The following CTTNBP2NL variants were observed in gnomAD, a reference collection of about 807,000 sequenced individuals.
CTTNBP2NL encodes CTTNBP2 N-terminal-like protein.
CTTNBP2NL carries 16 observed loss-of-function variants against 32.5 expected under a neutral mutation model. That is an observed-to-expected ratio of 0.49 (90% confidence interval 0.33 to 0.75). CTTNBP2NL has a LOEUF of 0.75. CTTNBP2NL is among the 30% of genes least tolerant of loss of function. CTTNBP2NL has a pLI of 0.02. For missense variants in CTTNBP2NL, 645 were observed against 756.0 expected (o/e 0.85, Z 1.72); for synonymous variants, 298 against 289.4 (o/e 1.03, Z -0.30).
At chr1:112,451,256 C>A (rs1185253954) in intron 4 of CTTNBP2NL, among the ~76,000 whole-genome samples, 1 of 151,266 alleles carries the variant, frequency 6.6e-6, no homozygotes, top group Non-Finnish European at 1.5e-5. Flanking sequence ...TTATCTTACA[C>A]CCCGCCTCCC....
At chr1:112,421,875 C>G (rs1339492252) in intron 3 of CTTNBP2NL, among the ~76,000 whole-genome samples, 1 of 152,114 alleles carries the variant, frequency 6.6e-6, no homozygotes, top group Non-Finnish European at 1.5e-5. Flanking sequence ...ACAGGAAATA[C>G]AGGGATAATG....
At chr1:112,418,498 G>T (rs1353475406) in intron 3 of CTTNBP2NL, among the ~76,000 whole-genome samples, 1 of 151,970 alleles carries the variant, frequency 6.6e-6, no homozygotes, top group East Asian at 1.9e-4. Context: ...TTATGGAGGG[G>T]ACCTATACTA....
In CTTNBP2NL at chr1:112,456,782, G is replaced by A. The variant is rs148707995; in HGVS notation, c.1290G>A (p.Ser430=). 5.5e-5 allele frequency: 89 copies of A among 1,613,942 alleles called. No homozygotes were observed. In the African/African-American group the frequency reaches 7.3e-4, roughly 13 times the overall value. The change falls in exon 6 of 6, where the codon TCG becomes TCA. Residue 430 remains serine, a synonymous_variant. Coordinates refer to ENST00000271277, the MANE Select transcript of CTTNBP2NL (RefSeq NM_018704.3). ...CTCTAACATCCTCTCCTTGCTCTTC[G>A]CCGGTACTCACTAAGCGTTTATTGG... ...SSSLTSSPCS[S]PVLTKRLLGS...
rs1570751206 is a variant in CTTNBP2NL, at chr1:112,459,498, C to G, written c.*2086C>G. 1 of 108,084 alleles carries G rather than the reference C, an allele frequency of 9.3e-6. No individual in the cohort carries two copies. Among genetic ancestry groups the G allele is most frequent in the African/African-American group, 2.5e-5 (1 of 40,174 alleles). 6.7% of individuals were successfully genotyped at this position (108,084 alleles called of 1,614,324 possible). A position where few individuals can be genotyped will look rare whatever the true frequency, so the allele number is the denominator to read the frequency against. On this transcript the variant is annotated 3_prime_UTR_variant, in exon 6 of 6. Transcript: ENST00000271277. The stretch of plus-strand genomic sequence containing the variant: ...TAGTAAAAAGGCAGGTGATGGAAAT[C>G]AGTGTATAAATCACAATGGAGTATA...
At position 112,449,100 on chromosome 1, in the gene CTTNBP2NL, G is replaced by A. The variant is rs1253951476; in HGVS notation, c.258G>A (p.Val86=). 1.9e-5 allele frequency: 30 copies of A among 1,613,912 alleles called. No homozygotes were observed. Among genetic ancestry groups the A allele is most frequent in the Non-Finnish European group, 2.5e-5 (29 of 1,179,886 alleles). The change falls in exon 4 of 6, where the codon GTG becomes GTA. Residue 86 remains valine, a synonymous_variant. Transcript: ENST00000271277. ...CTNPLSILKV[V]MKQCKNMQER... is the part of the protein sequence containing the mutation. ...ATCCACTCTCTATTCTTAAGGTTGT[G>A]ATGAAGCAGTGCAAGAACATGCAGG...
chr1:112,439,635 A>G (rs1316596228), intron 3 of CTTNBP2NL, among the ~76,000 whole-genome samples: 1 of 152,176 alleles, frequency 6.6e-6, no homozygotes, highest in Non-Finnish European at 1.5e-5. Flanking sequence ...CACATCTCCA[A>G]TAAAGGTTTT....
Position 112,416,274 on chromosome 1 carries a change from AAG to A in CTTNBP2NL, c.99+12_99+13del. 7.3e-7 allele frequency: 1 copy of A among 1,363,656 alleles called. No homozygotes were observed. Among genetic ancestry groups the A allele is most frequent in the Non-Finnish European group, 1.0e-6 (1 of 978,936 alleles). 84.5% of individuals were successfully genotyped at this position (1,363,656 alleles called of 1,614,324 possible). On this transcript the variant is annotated intron_variant, in intron 3 of 5. Coordinates refer to ENST00000271277, the MANE Select transcript of CTTNBP2NL (RefSeq NM_018704.3). ...TATAGAAGCCTTAAAGGTATGTTAA[AAG>A]AAAAAAAAAAAGAGGTCATCATACA... is the stretch of plus-strand genomic sequence containing the variant.
At chr1:112,436,095 G>A (rs1461850569) in intron 3 of CTTNBP2NL, among the ~76,000 whole-genome samples, 1 of 85,620 alleles carries the variant, frequency 1.2e-5, no homozygotes, top group African/African-American at 4.8e-5. Context: ...CTGTTTTATT[G>A]TTGCTTGTTT....
intron 5 of CTTNBP2NL, 102 bp from the exon 6 acceptor site, chr1:112,455,829 C>G (rs1408951688): frequency 1.3e-6 from 1 of 785,072 alleles, no homozygotes; most frequent in Non-Finnish European, 2.0e-6. Context: ...GATCTAAGCA[C>G]TGTGATGTGC....
At chr1:112,425,852 G>T (rs1649377210) in intron 3 of CTTNBP2NL, among the ~76,000 whole-genome samples, 1 of 152,118 alleles carries the variant, frequency 6.6e-6, no homozygotes, top group Non-Finnish European at 1.5e-5. Context: ...GACAGAATGA[G>T]ACCCTGGCTC....
chr1:112,456,282 A>G lies in CTTNBP2NL; in HGVS notation c.790A>G (p.Lys264Glu), dbSNP rs966857151. 1 of 1,614,136 alleles carries G rather than the reference A, an allele frequency of 6.2e-7. No individual in the cohort carries two copies. Among genetic ancestry groups the G allele is most frequent in the Non-Finnish European group, 8.5e-7 (1 of 1,180,032 alleles). Reference protein sequence around the residue: ...NREENRTKTLKEEMESLKKIV... With the variant: ...NREENRTKTLEEEMESLKKIV... ...AGAAGAGAACCGGACCAAAACCCTG[A>G]AAGAAGAAATGGAAAGTTTAAAGAA... is the stretch of plus-strand genomic sequence containing the variant. Residue 264 changes from lysine (K) to glutamate (E), a missense_variant, in exon 6 of 6, where the codon AAA (lysine) becomes GAA (glutamate). Coordinates refer to ENST00000271277, the MANE Select transcript of CTTNBP2NL (RefSeq NM_018704.3).
intron 3 of CTTNBP2NL, among the ~76,000 whole-genome samples, chr1:112,440,625 G>A (rs1649866359): frequency 6.6e-6 from 1 of 152,164 alleles, no homozygotes; most frequent in Admixed American, 6.6e-5. Context: ...TACTGATCAA[G>A]ACCTACTAAA....
intron 3 of CTTNBP2NL, among the ~76,000 whole-genome samples, chr1:112,416,630 C>T (rs950378157): frequency 6.6e-6 from 1 of 151,916 alleles, no homozygotes; most frequent in African/African-American, 2.4e-5. Context: ...GTAGCTGGGA[C>T]TACAGGCGCA....
intron 4 of CTTNBP2NL, among the ~76,000 whole-genome samples, chr1:112,451,778 A>AC (rs1350095090): frequency 9.7e-5 from 12 of 123,962 alleles, no homozygotes; most frequent in Non-Finnish European, 2.0e-4. Context: ...AAAAAAAAAA[A>AC]AAAAAACACA....
chr1:112,451,794 A>G (rs1221653201), intron 4 of CTTNBP2NL, among the ~76,000 whole-genome samples: 1 of 151,220 alleles, frequency 6.6e-6, no homozygotes, highest in East Asian at 1.9e-4. Flanking sequence ...ACACAAAACA[A>G]ACAAACAAAA....
chr1:112,401,029 A>G (rs902281384), intron 1 of CTTNBP2NL, among the ~76,000 whole-genome samples: 2 of 151,988 alleles, frequency 1.3e-5, no homozygotes, highest in East Asian at 3.8e-4. Flanking sequence ...TGCACATATC[A>G]CAAAGCAAGG....
Position 112,412,608 on chromosome 1 carries a change from CTTTTTTTTT to C in CTTNBP2NL, c.-10+309_-10+317del, listed in dbSNP as rs35667800. Among the ~76,000 whole-genome samples, 4 of 88,920 alleles carry C rather than the reference CTTTTTTTTT, an allele frequency of 4.5e-5. No individual in the cohort carries two copies. The East Asian group carries it at 1.4e-3, about 31-fold the overall frequency. 58.3% of individuals were successfully genotyped at this position (88,920 alleles called of 152,430 possible). ...TGTAGACACTAAGCTGAGTTGGTAC[CTTTTTTTTT>C]TTTTTTTTTTTTTTTTTGACACAGA... On this transcript the variant is annotated intron_variant, in intron 2 of 5. Transcript: ENST00000271277.
chr1:112,401,699 A>C (rs757928997), intron 1 of CTTNBP2NL, among the ~76,000 whole-genome samples: 1 of 152,200 alleles, frequency 6.6e-6, no homozygotes. Context: ...GTGGGGGAAC[A>C]TGAAAGGCGG....
At chr1:112,442,612 T>A (rs1283877012) in intron 3 of CTTNBP2NL, among the ~76,000 whole-genome samples, 1 of 151,982 alleles carries the variant, frequency 6.6e-6, no homozygotes, top group African/African-American at 2.4e-5. Flanking sequence ...CTCAACACAT[T>A]TGATTTCAGT....
Sources: allele counts gnomAD v4.1 joint callset (sites outside exome capture counted in the v4.1 genomes callset), GRCh38; gene constraint gnomAD v4.1.1; transcripts MANE v1.5; gene names NCBI Gene and HGNC (gene_info 2026-07-23, HGNC 2026-07-21).